TMEM225: variants seen among roughly 807,000 people sequenced by gnomAD.
The protein encoded by TMEM225 is transmembrane protein 225.
TMEM225 carries 10 observed loss-of-function variants against 17.6 expected under a neutral mutation model. The observed-to-expected ratio is 0.57, with a 90% confidence interval of 0.35 to 0.96. The LOEUF is 0.96. Among genes scored for constraint, TMEM225 ranks in the 40% least tolerant of loss-of-function variants. The pLI, the probability that TMEM225 is intolerant of heterozygous loss-of-function variation, is 0.02. For synonymous variants in TMEM225, 101 were observed against 94.5 expected (o/e 1.07, Z -0.40); for missense variants, 245 against 271.5 (o/e 0.90, Z 0.69).
At position 123,883,229 on chromosome 11, in the gene TMEM225, C is replaced by A; in HGVS notation, c.587G>T (p.Cys196Phe). 1 of 1,613,384 alleles carries A rather than the reference C, an allele frequency of 6.2e-7. No homozygotes were observed. Among genetic ancestry groups the A allele is most frequent in the Non-Finnish European group, 8.5e-7 (1 of 1,179,506 alleles). ...NSIEDISLPE[C>F]TAMPRSIVRA... Reference sequence around the variant, plus strand: ...GACAATGCTACGAGGCATTGCAGTGCATTCTGGTAATGAAATATCTTCGAT... The same window carrying A: ...GACAATGCTACGAGGCATTGCAGTGAATTCTGGTAATGAAATATCTTCGAT... The change falls in exon 4 of 4, where the codon TGC becomes TTC. Residue 196 changes from cysteine (C) to phenylalanine (F), a missense_variant. Physicochemically the swap from Cys to Phe is radical, Grantham distance 205. Transcript: ENST00000375026.
intron 1 of TMEM225, among the ~76,000 whole-genome samples, chr11:123,885,000 G>T (rs1316410442): frequency 6.6e-6 from 1 of 151,858 alleles, no homozygotes; most frequent in Non-Finnish European, 1.5e-5. Flanking sequence ...CTACTGCTGA[G>T]ACTTCTCAAA....
rs145297189 is a variant in TMEM225 at position 123,883,215 on chromosome 11, G to A, written c.601C>T (p.Arg201Cys). The A allele has an allele frequency of 2.5e-5, 41 of 1,613,176 alleles. No homozygotes were observed. The highest frequency in any genetic ancestry group is 4.5e-5 in the East Asian group (2 of 44,850). ...ISLPECTAMP[R>C]SIVRAHTVNS... ...ACAGTGTGTGCACGGACAATGCTACGAGGCATTGCAGTGCATTCTGGTAAT... is the reference window on the plus strand; with the variant it reads ...ACAGTGTGTGCACGGACAATGCTACAAGGCATTGCAGTGCATTCTGGTAAT... Residue 201 changes from arginine (R) to cysteine (C), a missense_variant, in exon 4 of 4, where the codon CGT becomes TGT. Physicochemically the swap from Arg to Cys is radical, Grantham distance 180 (BLOSUM62 -3). Transcript: ENST00000375026.
chr11:123,884,630 A>G lies in TMEM225; in HGVS notation c.188T>C (p.Leu63Pro). 1 of 1,609,896 alleles carries G rather than the reference A, an allele frequency of 6.2e-7. No individual in the cohort carries two copies. Among genetic ancestry groups the G allele is most frequent in the Non-Finnish European group, 8.5e-7 (1 of 1,178,448 alleles). ...CCPALWPEDD[L>P]KVVRIMMTSS... ...CGTCATCATAATCCTGACCACTTTC[A>G]GGTCATCTGTTGGAAAGCAAAAGCT... Residue 63 changes from leucine to proline, a missense_variant, in exon 2 of 4, where the codon CTG becomes CCG. Coordinates refer to ENST00000375026, the MANE Select transcript of TMEM225 (RefSeq NM_001013743.3).
chr11:123,885,544 C>G lies in TMEM225; in HGVS notation c.-119G>C, dbSNP rs1289439363. The G allele has an allele frequency of 3.4e-6, 3 of 887,042 alleles. No individual in the cohort carries two copies. The highest frequency in any genetic ancestry group is 5.2e-6 in the Non-Finnish European group (3 of 577,092). 54.9% of individuals were successfully genotyped at this position (887,042 alleles called of 1,614,324 possible). On this transcript the variant is annotated 5_prime_UTR_variant, in exon 1 of 4. Transcript: ENST00000375026. The stretch of plus-strand genomic sequence containing the variant: ...TCAGTGGTTGCTGAGGCATTGGTAA[C>G]AGCAGAAGCTGAAGTAGTCTATAAA...
Position 123,883,016 on chromosome 11 carries a change from A to T in TMEM225, c.*122T>A. On this transcript the variant is annotated 3_prime_UTR_variant, in exon 4 of 4. Coordinates refer to ENST00000375026, the MANE Select transcript of TMEM225 (RefSeq NM_001013743.3). ...AGGATTTTTTAAAAAACCATCTTCC[A>T]GATCTTTTTACAAACCCCAACCATA... 1.3e-6 allele frequency: 1 copy of T among 763,796 alleles called. No individual in the cohort carries two copies. Among genetic ancestry groups the T allele is most frequent in the Non-Finnish European group, 2.1e-6 (1 of 482,708 alleles). The allele number at this position is 763,796 out of a possible 1,614,324, so 47.3% of individuals were successfully genotyped here.
intron 1 of TMEM225, 81 bp from the exon 2 acceptor site, chr11:123,884,717 G>A (rs1352871805): frequency 8.8e-6 from 12 of 1,361,372 alleles, no homozygotes; most frequent in Non-Finnish European, 1.2e-5. Context: ...AAGTCTCTAG[G>A]TGAAAATTGG....
intron 3 of TMEM225, 124 bp downstream of exon 3, chr11:123,883,951 G>A (rs1358483177): frequency 4.9e-6 from 5 of 1,030,002 alleles, no homozygotes; most frequent in East Asian, 5.6e-5. Flanking sequence ...ATGAATCCAG[G>A]TGAGCTGCAG....
rs1862990487 is a variant in TMEM225, at chr11:123,883,346, A to G, written c.470T>C (p.Leu157Pro). 3.1e-6 allele frequency: 5 copies of G among 1,605,124 alleles called. No individual in the cohort carries two copies. The highest frequency in any genetic ancestry group is 4.3e-6 in the Non-Finnish European group (5 of 1,172,444). The stretch of plus-strand genomic sequence containing the variant: ...AGACAACTTGCACTCTAGGAGAGAG[A>G]GGACTCCTAGGGAAAAGAGATTCCA... ...NVFFLSVCGV[L>P]SLLECKLSTS... Residue 157 changes from leucine (L) to proline (P), a missense_variant, in exon 4 of 4, where the codon CTC (leucine) becomes CCC (proline). Physicochemically the swap from Leu to Pro is moderately conservative, Grantham distance 98. Coordinates refer to ENST00000375026, the MANE Select transcript of TMEM225 (RefSeq NM_001013743.3).
In TMEM225 at chr11:123,883,414, C is replaced by G. The variant is rs1862991882; in HGVS notation, c.464-62G>C. On this transcript the variant is annotated intron_variant, in intron 3 of 3. Coordinates refer to ENST00000375026, the MANE Select transcript of TMEM225 (RefSeq NM_001013743.3). ...ACAATGGAGAGTCAGAAACAATTCT[C>G]TCCAATTTGGCTGAAGACCCTGACC... 2 of 1,344,102 alleles carry G rather than the reference C, an allele frequency of 1.5e-6. 1 individual carries two copies. Among genetic ancestry groups the G allele is most frequent in the African/African-American group, 2.9e-5 (2 of 69,048 alleles). 83.3% of individuals were successfully genotyped at this position (1,344,102 alleles called of 1,614,324 possible). A position where few individuals can be genotyped will look rare whatever the true frequency, so the allele number is the denominator to read the frequency against.
At chr11:123,883,538 GC>G (rs1862994188) in intron 3 of TMEM225, among the ~76,000 whole-genome samples, 186 bp from the exon 4 acceptor site, 1 of 152,152 alleles carries the variant, frequency 6.6e-6, no homozygotes, top group Non-Finnish European at 1.5e-5. Context: ...CTTAAATTCT[GC>G]TCAGCTTAAG....
At chr11:123,883,656 C>T (rs1210918539) in intron 3 of TMEM225, among the ~76,000 whole-genome samples, 1 of 152,056 alleles carries the variant, frequency 6.6e-6, no homozygotes, top group Non-Finnish European at 1.5e-5. Context: ...ACTTCGGTTT[C>T]GGTAGATGGC....
In TMEM225 at chr11:123,885,366, G is replaced by A. The variant is rs369900040; in HGVS notation, c.60C>T (p.Ala20=). 37 of 1,613,254 alleles carry A rather than the reference G, an allele frequency of 2.3e-5. No individual in the cohort carries two copies. The highest frequency in any genetic ancestry group is 1.6e-4 in the Middle Eastern group (1 of 6,076). ...QGMNILFSSW[A]VVLMVMGITL... ...TGATTCCCATCACCATTAAGACTAC[G>A]GCCCAGGAGGAGAAAAGTATGTTCA... is the stretch of plus-strand genomic sequence containing the variant. The change falls in exon 1 of 4, where the codon GCC becomes GCT. Residue 20 remains alanine, a synonymous_variant. Coordinates refer to ENST00000375026, the MANE Select transcript of TMEM225 (RefSeq NM_001013743.3).
intron 3 of TMEM225, 103 bp from the exon 4 acceptor site, chr11:123,883,455 C>A: frequency 2.5e-6 from 2 of 801,980 alleles, no homozygotes; most frequent in South Asian, 1.7e-5. Context: ...CCCAGTGGAT[C>A]CCTTTTAACT....
Position 123,884,131 on chromosome 11 carries a change from C to G in TMEM225, c.407G>C (p.Arg136Thr), listed in dbSNP as rs749140934. ...AGCAGTATACATGATCCAGGTGATC[C>G]TATAACTAGAGAAGTGCATGGATTG... The part of the protein sequence containing the change: ...QGQSMHFSSY[R>T]ITWIMYTAYL... The change falls in exon 3 of 4, where the codon AGG (arginine) becomes ACG (threonine). Residue 136 changes from arginine to threonine, a missense_variant. Coordinates refer to ENST00000375026, the MANE Select transcript of TMEM225 (RefSeq NM_001013743.3). 6.2e-7 allele frequency: 1 copy of G among 1,609,400 alleles called. No homozygotes were observed. The highest frequency in any genetic ancestry group is 1.7e-5 in the Admixed American group (1 of 59,414).
chr11:123,883,217 G>C lies in TMEM225; in HGVS notation c.599C>G (p.Pro200Arg). The change falls in exon 4 of 4, where the codon CCT becomes CGT. Residue 200 changes from proline (P) to arginine (R), a missense_variant. Pro to Arg is a moderately radical substitution (Grantham distance 103, BLOSUM62 -2). Transcript: ENST00000375026. ...DISLPECTAM[P>R]RSIVRAHTVN... is the part of the protein sequence containing the mutation. ...AGTGTGTGCACGGACAATGCTACGA[G>C]GCATTGCAGTGCATTCTGGTAATGA... The C allele has an allele frequency of 6.2e-7, 1 of 1,613,230 alleles. No individual in the cohort carries two copies. The highest frequency in any genetic ancestry group is 2.2e-5 in the East Asian group (1 of 44,846).
rs61366176 is a variant in TMEM225 at position 123,884,222 on chromosome 11, C to CAA, written c.329-15_329-14dup. On this transcript the variant is annotated splice_polypyrimidine_tract_variant and intron_variant, in intron 2 of 3. Transcript: ENST00000375026. ...AGCAGAGAGATACCTGATGTCCAGA[C>CAA]AAAAAAAAAAAAAAAAAAAGAAAAA... 2,506 of 1,231,322 alleles carry CAA rather than the reference C, an allele frequency of 2.0e-3. No homozygotes were observed. The highest frequency in any genetic ancestry group is 6.2e-3 in the South Asian group (304 of 49,208). 76.3% of individuals were successfully genotyped at this position (1,231,322 alleles called of 1,614,324 possible). A position where few individuals can be genotyped will look rare whatever the true frequency, so the allele number is the denominator to read the frequency against.
rs373538428 is a variant in TMEM225 at position 123,883,202 on chromosome 11, C to T, written c.614G>A (p.Arg205His). ...GTTTAGGGAATTCACAGTGTGTGCA[C>T]GGACAATGCTACGAGGCATTGCAGT... ...ECTAMPRSIVRAHTVNSLNKK... is the reference protein window; with the variant it reads ...ECTAMPRSIVHAHTVNSLNKK... The change falls in exon 4 of 4, where the codon CGT becomes CAT. Residue 205 changes from arginine to histidine, a missense_variant. Physicochemically the swap from Arg to His is conservative, Grantham distance 29. Transcript: ENST00000375026. 3.9e-5 allele frequency: 63 copies of T among 1,613,470 alleles called. No individual in the cohort carries two copies. Among genetic ancestry groups the T allele is most frequent in the African/African-American group, 2.9e-4 (22 of 74,986 alleles).
In TMEM225 at chr11:123,884,639, G is replaced by A. The variant is rs201507845; in HGVS notation, c.182-3C>T. 6.2e-7 allele frequency: 1 copy of A among 1,608,112 alleles called. No homozygotes were observed. The highest frequency in any genetic ancestry group is 1.7e-5 in the Admixed American group (1 of 58,782). ...AATCCTGACCACTTTCAGGTCATCT[G>A]TTGGAAAGCAAAAGCTGTTTTGAGA... On this transcript the variant is annotated splice_polypyrimidine_tract_variant and splice_region_variant and intron_variant, in intron 1 of 3. Coordinates refer to ENST00000375026, the MANE Select transcript of TMEM225 (RefSeq NM_001013743.3).
chr11:123,884,687 C>A, intron 1 of TMEM225, 51 bp from the exon 2 acceptor site: 1 of 1,544,210 alleles, frequency 6.5e-7, no homozygotes, highest in Admixed American at 2.0e-5. Flanking sequence ...CTTCTAGACT[C>A]ATTTCTACCT....
Sources: gnomAD v4.1 joint callset for allele counts (sites outside exome capture counted in the v4.1 genomes callset) on GRCh38, gnomAD v4.1.1 for gene constraint, MANE v1.5 for transcripts, NCBI Gene and HGNC (gene_info 2026-07-23, HGNC 2026-07-21) for gene names.